The following P4HA2 variants were observed in gnomAD, a reference collection of about 807,000 sequenced individuals.
P4HA2 encodes the protein prolyl 4-hydroxylase subunit alpha-2.
A neutral mutation model predicts 76.9 loss-of-function variants in P4HA2; 46 were observed. The observed-to-expected ratio is 0.60, with a 90% CI of 0.47 to 0.76. The LOEUF (loss-of-function observed/expected upper bound fraction) is 0.76, where lower values mean the gene tolerates loss of function less well. P4HA2 is among the 30% of genes least tolerant of loss of function. The pLI is 0.00. For missense variants in P4HA2, 583 were observed against 669.4 expected, an observed-to-expected ratio of 0.87 and a Z score of 1.42; for synonymous variants, 243 against 254.0, an observed-to-expected ratio of 0.96 and a Z score of 0.41.
At chr5:132,213,790 T>C in intron 5 of P4HA2, 126 bp downstream of exon 5, 1 of 821,908 alleles carries the variant, frequency 1.2e-6, no homozygotes, top group South Asian at 1.7e-5. Context: ...CAGCACAAAC[T>C]GGTGAGCCAA....
At position 132,207,819 on chromosome 5, in the gene P4HA2, G is replaced by C. The variant is rs1192289778; in HGVS notation, c.969C>G (p.Leu323=). 3 of 1,611,370 alleles carry C rather than the reference G, an allele frequency of 1.9e-6. No individual in the cohort carries two copies. In the South Asian group the frequency reaches 3.3e-5, roughly 18 times the overall value. The change falls in exon 8 of 15, where the codon CTC becomes CTG. Residue 323 remains leucine, a synonymous_variant. Transcript: ENST00000360568. ...CGTCCTCCTCTTTGAAGGGGGCAAT[G>C]AGCAGCTGTGGGGCCCTGTTGCCAT... ...YHHGNRAPQL[L]IAPFKEEDEW...
intron 4 of P4HA2, among the ~76,000 whole-genome samples, chr5:132,214,302 C>T (rs1753552146): frequency 6.6e-6 from 1 of 152,162 alleles, no homozygotes. Flanking sequence ...GAAGCAGCCC[C>T]CCATATTGGT....
chr5:132,205,770 C>CATGA (rs1383262612), intron 8 of P4HA2, among the ~76,000 whole-genome samples: 1 of 152,188 alleles, frequency 6.6e-6, no homozygotes, highest in Non-Finnish European at 1.5e-5. Flanking sequence ...TCCTGAGCTT[C>CATGA]AGCTCATGTC....
intron 4 of P4HA2, 72 bp from the exon 5 acceptor site, chr5:132,214,125 C>G: frequency 1.3e-6 from 2 of 1,502,450 alleles, no homozygotes; most frequent in South Asian, 2.4e-5. Context: ...ACCAGAGAGG[C>G]AGCCACAAAG....
At chr5:132,197,218 G>T (rs1750758763) in intron 12 of P4HA2, among the ~76,000 whole-genome samples, 1 of 152,184 alleles carries the variant, frequency 6.6e-6, no homozygotes, top group Non-Finnish European at 1.5e-5. Flanking sequence ...CTCTCATCTA[G>T]AGAGAGCTAA....
chr5:132,212,134 A>T (rs1023260129), intron 5 of P4HA2, among the ~76,000 whole-genome samples: 1 of 152,210 alleles, frequency 6.6e-6, no homozygotes, highest in Admixed American at 6.5e-5. Context: ...AGAGGGGTTG[A>T]GACAAAAGAG....
intron 1 of P4HA2, among the ~76,000 whole-genome samples, chr5:132,225,542 C>T (rs890577061): frequency 3.3e-5 from 5 of 152,182 alleles, no homozygotes; most frequent in East Asian, 3.9e-4. Flanking sequence ...CACTCACAGC[C>T]GGGCTCCTCC....
intron 8 of P4HA2, among the ~76,000 whole-genome samples, chr5:132,206,049 A>G (rs1335498719): frequency 6.6e-6 from 1 of 152,152 alleles, no homozygotes; most frequent in Admixed American, 6.5e-5. Flanking sequence ...ATCTTTGAAT[A>G]GAAGCCATGT....
At chr5:132,222,790 C>CCACTT (rs1201489374) in intron 1 of P4HA2, among the ~76,000 whole-genome samples, 2 of 152,260 alleles carry the variant, frequency 1.3e-5, no homozygotes, top group Admixed American at 1.3e-4. Flanking sequence ...TGGTTGACTT[C>CCACTT]CACTTCCCCA....
At position 132,220,910 on chromosome 5, in the gene P4HA2, A is replaced by G. The variant is rs182068181; in HGVS notation, c.-18-2266T>C. ...GGGATAACTAACTCTGCTAGCCTGG[A>G]GAGCTGGGCACCTCCAAGCAGCAGC... is the stretch of plus-strand genomic sequence containing the variant. On this transcript the variant is annotated intron_variant, in intron 1 of 14. Transcript: ENST00000360568. 4.8e-3 allele frequency among the ~76,000 whole-genome samples: 728 copies of G among 152,324 alleles called. 7 individuals carry two copies. Among genetic ancestry groups the G allele is most frequent in the Non-Finnish European group, 7.2e-3 (491 of 68,020 alleles).
intron 7 of P4HA2, 142 bp from the exon 8 acceptor site, chr5:132,208,026 G>A (rs940144297): frequency 1.4e-5 from 9 of 626,880 alleles, no homozygotes; most frequent in East Asian, 3.0e-5. Flanking sequence ...AAAAGTCCCA[G>A]CAGGTGGGCA....
At position 132,217,544 on chromosome 5, in the gene P4HA2, T is replaced by C. The variant is rs1044789544; in HGVS notation, c.180-196A>G. ...TAGATAACAGCTGGGACCCCCAATG[T>C]AAGGGAAAAGGTCTTAAATAGAAAA... On this transcript the variant is annotated intron_variant, in intron 3 of 14. Transcript: ENST00000360568. 7 of 640,152 alleles carry C rather than the reference T, an allele frequency of 1.1e-5. No individual in the cohort carries two copies. The African/African-American group carries it at 1.3e-4, about 12-fold the overall frequency. The allele number at this position is 640,152 out of a possible 1,614,324, so 39.7% of individuals were successfully genotyped here. A position where few individuals can be genotyped will look rare whatever the true frequency, so the allele number is the denominator to read the frequency against.
intron 7 of P4HA2, among the ~76,000 whole-genome samples, chr5:132,208,338 G>A (rs1580695449): frequency 8.3e-6 from 1 of 120,778 alleles, no homozygotes; most frequent in East Asian, 2.7e-4. Flanking sequence ...GAAGAAAAAG[G>A]AAGGAAGAAA....
At position 132,203,694 on chromosome 5, in the gene P4HA2, T is replaced by C. The variant is rs1751813863; in HGVS notation, c.1251+54A>G. 7.8e-6 allele frequency: 9 copies of C among 1,147,976 alleles called. No individual in the cohort carries two copies. The South Asian group carries it at 8.8e-5, about 11-fold the overall frequency. The allele number at this position is 1,147,976 out of a possible 1,614,324, so 71.1% of individuals were successfully genotyped here. A position where few individuals can be genotyped will look rare whatever the true frequency, so the allele number is the denominator to read the frequency against. On this transcript the variant is annotated intron_variant, in intron 10 of 14. Coordinates refer to ENST00000360568, the MANE Select transcript of P4HA2 (RefSeq NM_001017974.2). ...CAGTTCTGGACACCCTGTGAGACCA[T>C]CTAGCCACAAATACCCACTTCCCAA...
At position 132,204,152 on chromosome 5, in the gene P4HA2, G is replaced by A. The variant is rs139217341; in HGVS notation, c.1081C>T (p.Leu361Phe). The change falls in exon 9 of 15, where the codon CTT (leucine) becomes TTT (phenylalanine). Residue 361 changes from leucine (L) to phenylalanine (F), a missense_variant and splice_region_variant. Coordinates refer to ENST00000360568, the MANE Select transcript of P4HA2 (RefSeq NM_001017974.2). ...ERIKEIAKPKLARATVRDPKT... is the reference protein window; with the variant it reads ...ERIKEIAKPKFARATVRDPKT... ...GGATCACGAACGGTGGCTCGTGCAA[G>A]CTAGAAGGAAGGAGGAGAGGGAAGA... 6.2e-7 allele frequency: 1 copy of A among 1,610,958 alleles called. No individual in the cohort carries two copies. Among genetic ancestry groups the A allele is most frequent in the East Asian group, 2.2e-5 (1 of 44,878 alleles).
At chr5:132,209,058 A>T (rs1752652315) in intron 7 of P4HA2, 80 bp downstream of exon 7, 3 of 1,027,800 alleles carry the variant, frequency 2.9e-6, no homozygotes, top group South Asian at 3.1e-5. Flanking sequence ...AGAATAAAGA[A>T]CACCTTCCCC....
chr5:132,217,634 C>A (rs1215282715), intron 3 of P4HA2, 118 bp downstream of exon 3: 3 of 754,574 alleles, frequency 4.0e-6, no homozygotes, highest in South Asian at 3.1e-5. Context: ...GTAACCAGGC[C>A]AGCCCCACAT....
intron 12 of P4HA2, chr5:132,195,808 T>C: frequency 2.6e-6 from 1 of 388,146 alleles, no homozygotes; most frequent in East Asian, 5.6e-5. Flanking sequence ...AATCCCCATC[T>C]AGCCTTGGCC....
chr5:132,205,246 T>C (rs1752049930), intron 8 of P4HA2, among the ~76,000 whole-genome samples: 1 of 152,082 alleles, frequency 6.6e-6, no homozygotes, highest in Non-Finnish European at 1.5e-5. Context: ...AGCTGAGGCC[T>C]GAAGGGTTAA....
Sources: gnomAD v4.1 joint callset for allele counts (sites outside exome capture counted in the v4.1 genomes callset) on GRCh38, gnomAD v4.1.1 for gene constraint, MANE v1.5 for transcripts, NCBI Gene and HGNC (gene_info 2026-07-23, HGNC 2026-07-21) for gene names.